CDK14: variants seen among roughly 807,000 people sequenced by gnomAD.
CDK14 encodes cyclin-dependent kinase 14.
CDK14 carries 34 observed loss-of-function variants against 60.7 expected under a neutral mutation model. The ratio of observed to expected loss-of-function variants is 0.56; its 90% CI spans 0.43 to 0.75. The LOEUF is 0.75. Ranked by LOEUF, CDK14 falls within the 30% of genes least tolerant of loss-of-function variation. The probability of loss-of-function intolerance (pLI) is 0.00; values close to 1 mark genes in which losing one functional copy is unlikely to be tolerated. For missense variants in CDK14, 482 were observed against 564.1 expected, an observed-to-expected ratio of 0.85 and a Z score of 1.47; for synonymous variants, 197 against 203.7, an observed-to-expected ratio of 0.97 and a Z score of 0.28.
intron 2 of CDK14, chr7:90,710,151 G>A (rs756122951): frequency 9.1e-5 from 90 of 985,150 alleles, no homozygotes; most frequent in Non-Finnish European, 1.1e-4. Context: ...AGACTGACTG[G>A]AGGTTACTCA....
chr7:91,094,846 C>G (rs1369474297), intron 12 of CDK14, among the ~76,000 whole-genome samples: 3 of 152,138 alleles, frequency 2.0e-5, no homozygotes, highest in African/African-American at 7.2e-5. Flanking sequence ...TCATTAGCAC[C>G]CAACCCCACA....
At chr7:90,708,528 T>C (rs543085548) in intron 2 of CDK14, among the ~76,000 whole-genome samples, 11 of 152,328 alleles carry the variant, frequency 7.2e-5, no homozygotes, top group African/African-American at 2.4e-4. Flanking sequence ...AGATTTTACA[T>C]GAGCTTTTGT....
chr7:90,977,535 G>A (rs1167707994), intron 9 of CDK14, among the ~76,000 whole-genome samples: 17 of 152,088 alleles, frequency 1.1e-4, no homozygotes, highest in Admixed American at 1.1e-3. Context: ...TATGTTTCAA[G>A]CTTTAAGACT....
intron 13 of CDK14, among the ~76,000 whole-genome samples, chr7:91,115,645 G>A (rs1235893541): frequency 6.6e-6 from 1 of 152,140 alleles, no homozygotes; most frequent in Non-Finnish European, 1.5e-5. Context: ...AAAAGGAGAA[G>A]ATGGGAACAA....
At chr7:90,951,694 A>G (rs995451863) in intron 8 of CDK14, among the ~76,000 whole-genome samples, 2 of 152,258 alleles carry the variant, frequency 1.3e-5, no homozygotes, top group Non-Finnish European at 2.9e-5. Context: ...TCTAGTTTAC[A>G]TCTGTGTACA....
At chr7:90,596,764 G>T in intron 1 of CDK14, 46 bp downstream of exon 1, 1 of 1,494,404 alleles carries the variant, frequency 6.7e-7, no homozygotes, top group Non-Finnish European at 9.2e-7. Flanking sequence ...CGCTCCCCTC[G>T]GCCTGCGCCC....
intron 10 of CDK14, among the ~76,000 whole-genome samples, chr7:91,031,745 ATAAACAC>A (rs1796765809): frequency 6.6e-6 from 1 of 152,252 alleles, no homozygotes; most frequent in Non-Finnish European, 1.5e-5. Context: ...TTAGTTAAGG[ATAAACAC>A]TGTTACATTT....
chr7:90,955,578 C>T (rs1278583199), intron 8 of CDK14, 119 bp from the exon 9 acceptor site: 2 of 1,035,100 alleles, frequency 1.9e-6, no homozygotes, highest in South Asian at 1.5e-5. Flanking sequence ...CTTGATACTG[C>T]ACTCCTGATT....
intron 6 of CDK14, among the ~76,000 whole-genome samples, chr7:90,892,044 G>A (rs1265227695): frequency 1.3e-5 from 2 of 152,196 alleles, no homozygotes; most frequent in Non-Finnish European, 2.9e-5. Flanking sequence ...CCTATTAACA[G>A]TTCTCCTATA....
At chr7:91,183,350 C>T (rs1266662750) in intron 14 of CDK14, among the ~76,000 whole-genome samples, 2 of 152,188 alleles carry the variant, frequency 1.3e-5, no homozygotes, top group African/African-American at 4.8e-5. Context: ...CTCTTCTCCC[C>T]TTACAAGTCA....
intron 4 of CDK14, among the ~76,000 whole-genome samples, chr7:90,754,975 A>G (rs1458479386): frequency 1.3e-5 from 2 of 152,160 alleles, no homozygotes; most frequent in Non-Finnish European, 2.9e-5. Context: ...GGTGCTGGGA[A>G]GGCTGTGTAG....
intron 8 of CDK14, among the ~76,000 whole-genome samples, chr7:90,918,539 G>C (rs1442177399): frequency 6.6e-6 from 1 of 152,220 alleles, no homozygotes; most frequent in Non-Finnish European, 1.5e-5. Context: ...TGTCACATTA[G>C]AGATTGTGTT....
intron 7 of CDK14, among the ~76,000 whole-genome samples, chr7:90,904,944 T>A (rs1266760379): frequency 6.6e-6 from 1 of 152,180 alleles, no homozygotes; most frequent in Non-Finnish European, 1.5e-5. Context: ...CAGCCTAGAA[T>A]TCTGTGCAAA....
chr7:91,060,597 G>C (rs1197177748), intron 11 of CDK14, among the ~76,000 whole-genome samples: 1 of 152,086 alleles, frequency 6.6e-6, no homozygotes, highest in Non-Finnish European at 1.5e-5. Flanking sequence ...CAGGCCTGGT[G>C]GTGACAAAAT....
Position 91,028,107 on chromosome 7 carries a change from C to T in CDK14, c.1042-17790C>T, listed in dbSNP as rs552105905. Among the ~76,000 whole-genome samples the T allele has an allele frequency of 1.7e-4, 26 of 150,194 alleles. No individual in the cohort carries two copies. The South Asian group carries it at 5.5e-3, about 32-fold the overall frequency. ...ATACCATTCTTATGCTTTTGCATAC[C>T]TATAGCTTAGCTCCCACTTATAAAT... On this transcript the variant is annotated intron_variant, in intron 10 of 14. Coordinates refer to ENST00000380050, the MANE Select transcript of CDK14 (RefSeq NM_001287135.2).
intron 10 of CDK14, among the ~76,000 whole-genome samples, chr7:91,034,411 G>T (rs1225729335): frequency 6.6e-6 from 1 of 151,728 alleles, no homozygotes; most frequent in Non-Finnish European, 1.5e-5. Flanking sequence ...GATGATTCCT[G>T]TGTCCAGCCA....
chr7:91,079,412 A>G lies in CDK14; in HGVS notation c.1106-20A>G, dbSNP rs758828432. The G allele has an allele frequency of 1.3e-6, 2 of 1,523,104 alleles. No individual in the cohort carries two copies. The highest frequency in any genetic ancestry group is 1.8e-6 in the Non-Finnish European group (2 of 1,110,726). 94.3% of individuals were successfully genotyped at this position (1,523,104 alleles called of 1,614,324 possible). ...ACATTTGATACAAAGATTGTTTATCATTTTTCTTTTTTATTTCAGAACGCT... is the reference window on the plus strand; with the variant it reads ...ACATTTGATACAAAGATTGTTTATCGTTTTTCTTTTTTATTTCAGAACGCT... On this transcript the variant is annotated intron_variant, in intron 11 of 14. Transcript: ENST00000380050.
intron 11 of CDK14, among the ~76,000 whole-genome samples, chr7:91,067,113 T>G (rs1798005074): frequency 6.6e-6 from 1 of 152,208 alleles, no homozygotes; most frequent in Non-Finnish European, 1.5e-5. Context: ...CTTGATAAAA[T>G]TATTCATAGG....
chr7:90,781,959 C>T (rs1218100433), intron 4 of CDK14, among the ~76,000 whole-genome samples: 5 of 152,078 alleles, frequency 3.3e-5, no homozygotes, highest in Non-Finnish European at 7.4e-5. Flanking sequence ...TGCAGAAAGT[C>T]ATTGGTAGCT....
Sources: allele counts gnomAD v4.1 joint callset (sites outside exome capture counted in the v4.1 genomes callset), GRCh38; gene constraint gnomAD v4.1.1; transcripts MANE v1.5; gene names NCBI Gene and HGNC (gene_info 2026-07-23, HGNC 2026-07-21).